SSUH2: variants seen among roughly 807,000 people sequenced by gnomAD.
SSUH2 encodes the protein ssu-2 homolog.
Under a neutral mutation model 55.3 loss-of-function variants are expected in SSUH2, and 47 were observed. The observed-to-expected ratio is 0.85, with a 90% CI of 0.67 to 1.08. The LOEUF is 1.08. Among genes scored for constraint, SSUH2 ranks in the 50% least tolerant of loss-of-function variants. The pLI is 0.00. For synonymous variants in SSUH2, 212 were observed against 191.5 expected (o/e 1.11, Z -0.89); for missense variants, 535 against 490.7 (o/e 1.09, Z -0.85).
At chr3:8,638,879 T>C (rs563230467) in intron 1 of SSUH2, among the ~76,000 whole-genome samples, 80 of 152,038 alleles carry the variant, frequency 5.3e-4, no homozygotes, top group African/African-American at 1.7e-3. Context: ...GCATCAATAC[T>C]CCTCTTGACG....
chr3:8,667,756 C>A (rs1704119164), intron 5 of SSUH2, among the ~76,000 whole-genome samples: 1 of 152,204 alleles, frequency 6.6e-6, no homozygotes, highest in African/African-American at 2.4e-5. Context: ...TCTGCCTCGG[C>A]CACTCTGGTA....
upstream of SSUH2, chr3:8,644,902 G>T (rs367792323): frequency 1.4e-6 from 1 of 727,336 alleles, no homozygotes; most frequent in African/African-American, 1.7e-5. Flanking sequence ...CATCTATATC[G>T]TTCATCATAG....
chr3:8,680,124 C>G (rs931551102), intron 1 of SSUH2, among the ~76,000 whole-genome samples: 1 of 152,164 alleles, frequency 6.6e-6, no homozygotes, highest in Non-Finnish European at 1.5e-5. Context: ...ACTTTTAACC[C>G]AAACTGTGGG....
chr3:8,629,689 C>A lies in SSUH2; in HGVS notation c.563G>T (p.Cys188Phe). 1 of 1,298,664 alleles carries A rather than the reference C, an allele frequency of 7.7e-7. No homozygotes were observed. The highest frequency in any genetic ancestry group is 1.1e-6 in the Non-Finnish European group (1 of 920,914). 80.4% of individuals were successfully genotyped at this position (1,298,664 alleles called of 1,614,324 possible). The change falls in exon 7 of 12, where the codon TGC (cysteine) becomes TTC (phenylalanine). Residue 188 changes from cysteine (C) to phenylalanine (F), a missense_variant. Cys to Phe is a radical substitution (Grantham distance 205). Transcript: ENST00000544814. Reference protein sequence around the residue: ...HKCHGRGRYKCSGCHGAGTVR... With the variant: ...HKCHGRGRYKFSGCHGAGTVR... ...CGTGCCCGCCCCGTGGCAGCCGCTGCACTTGTACCGCCCACGCCCATGGCA... is the reference window on the plus strand; with the variant it reads ...CGTGCCCGCCCCGTGGCAGCCGCTGAACTTGTACCGCCCACGCCCATGGCA...
At chr3:8,635,661 G>A (rs776882517) in intron 2 of SSUH2, 98 bp downstream of exon 2, 3 of 1,183,312 alleles carry the variant, frequency 2.5e-6, no homozygotes, top group Non-Finnish European at 3.5e-6. Flanking sequence ...CCCAGGGAAA[G>A]GGGAGCTATC....
At chr3:8,649,722 C>A (rs1030307616), upstream of SSUH2, among the ~76,000 whole-genome samples, 9 of 152,128 alleles carry the variant, frequency 5.9e-5, no homozygotes, top group Admixed American at 1.3e-4. Context: ...CCCCCTGCCC[C>A]CCTCACCTGG....
intron 3 of SSUH2, among the ~76,000 whole-genome samples, chr3:8,673,411 G>C (rs1704843419): frequency 6.6e-6 from 1 of 152,120 alleles, no homozygotes; most frequent in Non-Finnish European, 1.5e-5. Flanking sequence ...ATGCCACTGA[G>C]AGACCAGCGG....
intron 6 of SSUH2, among the ~76,000 whole-genome samples, chr3:8,661,183 C>A (rs1317628076): frequency 2.0e-5 from 3 of 152,234 alleles, no homozygotes; most frequent in Non-Finnish European, 4.4e-5. Context: ...GCACTGTCCC[C>A]TGAATCCACT....
chr3:8,627,275 C>T (rs1218294423), intron 8 of SSUH2: 2 of 165,810 alleles, frequency 1.2e-5, no homozygotes, highest in African/African-American at 4.8e-5. Context: ...AACCAACTTT[C>T]CTTGACTCCT....
At chr3:8,681,685 C>CA (rs1705964375) in intron 1 of SSUH2, among the ~76,000 whole-genome samples, 1 of 151,438 alleles carries the variant, frequency 6.6e-6, no homozygotes, top group Non-Finnish European at 1.5e-5. Context: ...CCTCTTCCCC[C>CA]CGGCTCTTAG....
In SSUH2 at chr3:8,644,717, G is replaced by C. The variant is rs1249230460; in HGVS notation, c.28+14C>G. On this transcript the variant is annotated intron_variant, in intron 1 of 11. Coordinates refer to ENST00000544814, the MANE Select transcript of SSUH2 (RefSeq NM_001256748.3). Reference sequence around the variant, plus strand: ...CCACACAGTCTTCCGTGCCATCTTTGAGGCTCTACTTACTGTCATCTTCAT... The same window carrying C: ...CCACACAGTCTTCCGTGCCATCTTTCAGGCTCTACTTACTGTCATCTTCAT... 1.3e-6 allele frequency: 2 copies of C among 1,535,334 alleles called. No homozygotes were observed. Among genetic ancestry groups the C allele is most frequent in the Non-Finnish European group, 1.7e-6 (2 of 1,146,384 alleles).
intron 5 of SSUH2, among the ~76,000 whole-genome samples, chr3:8,631,601 AAGG>A (rs1698791392): frequency 6.6e-6 from 1 of 152,130 alleles, no homozygotes; most frequent in Non-Finnish European, 1.5e-5. Context: ...TAGGGAAAAC[AAGG>A]AGGACATAGA....
chr3:8,649,929 C>T (rs1252538937), intron 7 of SSUH2, among the ~76,000 whole-genome samples: 1 of 152,172 alleles, frequency 6.6e-6, no homozygotes, highest in Non-Finnish European at 1.5e-5. Flanking sequence ...CGAGCGACCC[C>T]CTGCACCCTC....
At chr3:8,653,722 T>G (rs1259647572) in intron 7 of SSUH2, among the ~76,000 whole-genome samples, 2 of 152,244 alleles carry the variant, frequency 1.3e-5, no homozygotes, top group East Asian at 3.8e-4. Flanking sequence ...GTATACATTT[T>G]ACTGAATTAT....
At chr3:8,674,280 G>C (rs1301612502) in intron 3 of SSUH2, among the ~76,000 whole-genome samples, 1 of 152,196 alleles carries the variant, frequency 6.6e-6, no homozygotes, top group African/African-American at 2.4e-5. Flanking sequence ...TAACCAGTGT[G>C]CTTATTGGAA....
intron 1 of SSUH2, among the ~76,000 whole-genome samples, chr3:8,641,578 T>C (rs9852800): frequency 0.025 from 3,737 of 152,250 alleles, 165 homozygotes; most frequent in African/African-American, 0.085. Context: ...ATGCTGTATC[T>C]TCCTATTAGG....
chr3:8,674,732 C>T (rs971457568), intron 3 of SSUH2, among the ~76,000 whole-genome samples: 6 of 152,196 alleles, frequency 3.9e-5, no homozygotes, highest in African/African-American at 7.2e-5. Flanking sequence ...TGACAGAGCA[C>T]GGCTCTTTGC....
At chr3:8,627,587 G>A (rs1270076680) in intron 8 of SSUH2, 111 bp downstream of exon 8, 1 of 841,656 alleles carries the variant, frequency 1.2e-6, no homozygotes, top group African/African-American at 1.7e-5. Context: ...AGAGCTCTGG[G>A]GACACAGCAG....
chr3:8,627,588 G>T, intron 8 of SSUH2, 110 bp downstream of exon 8: 1 of 859,906 alleles, frequency 1.2e-6, no homozygotes. Flanking sequence ...GAGCTCTGGG[G>T]ACACAGCAGT....
Sources: gnomAD v4.1 joint callset for allele counts (sites outside exome capture counted in the v4.1 genomes callset) on GRCh38, gnomAD v4.1.1 for gene constraint, MANE v1.5 for transcripts, NCBI Gene and HGNC (gene_info 2026-07-23, HGNC 2026-07-21) for gene names.